The following ABCC9 variants were observed in gnomAD, a reference collection of about 807,000 sequenced individuals.
The protein encoded by ABCC9 is ATP-binding cassette sub-family C member 9.
In ABCC9, 95 loss-of-function variants were observed where a neutral mutation model predicts 188.3. That is an observed-to-expected ratio of 0.50 (90% CI 0.43 to 0.60). The LOEUF is 0.60. ABCC9 is among the 20% of genes least tolerant of loss of function. The pLI is 0.00. For synonymous variants in ABCC9, 659 were observed against 652.7 expected (o/e 1.01, Z -0.15); for missense variants, 1,102 against 1,876.3 (o/e 0.59, Z 7.62).
At chr12:21,829,861 C>A (rs992321680) in intron 30 of ABCC9, among the ~76,000 whole-genome samples, 1 of 152,068 alleles carries the variant, frequency 6.6e-6, no homozygotes, top group African/African-American at 2.4e-5. Context: ...TATGCATTTG[C>A]AATTGGCAAA....
intron 30 of ABCC9, among the ~76,000 whole-genome samples, chr12:21,829,931 G>A (rs935701995): frequency 6.6e-6 from 1 of 152,116 alleles, no homozygotes; most frequent in African/African-American, 2.4e-5. Flanking sequence ...GAAAAAAACT[G>A]GGGTGGCAAC....
chr12:21,824,997 A>AT (rs564617753), intron 31 of ABCC9, among the ~76,000 whole-genome samples: 21 of 151,894 alleles, frequency 1.4e-4, no homozygotes, highest in Non-Finnish European at 2.4e-4. Flanking sequence ...GGATTCACTG[A>AT]TTTTTTGAAG....
At chr12:21,828,413 C>G (rs1170018731) in intron 31 of ABCC9, 1 of 186,896 alleles carries the variant, frequency 5.4e-6, no homozygotes, top group Non-Finnish European at 1.1e-5. Context: ...GGTACACATT[C>G]TTATTTTACA....
intron 7 of ABCC9, among the ~76,000 whole-genome samples, chr12:21,915,050 G>A (rs1235536394): frequency 6.6e-6 from 1 of 151,502 alleles, no homozygotes; most frequent in Non-Finnish European, 1.5e-5. Context: ...ACAGGCATGC[G>A]TCACCATGCC....
intron 14 of ABCC9, 35 bp from the exon 15 acceptor site, chr12:21,887,969 C>T (rs1946962187): frequency 2.0e-6 from 3 of 1,484,238 alleles, no homozygotes; most frequent in South Asian, 2.3e-5. Context: ...TAAGAGTTAA[C>T]AATAAAACCA....
intron 4 of ABCC9, among the ~76,000 whole-genome samples, chr12:21,928,339 G>GGAAGGAA (rs1259935175): frequency 7.6e-6 from 1 of 132,286 alleles, no homozygotes; most frequent in African/African-American, 2.9e-5. Flanking sequence ...AAGGAAGGAA[G>GGAAGGAA]GGAAGAAAAA....
chr12:21,798,670 A>G lies in ABCC9; in HGVS notation c.*2374T>C, dbSNP rs940069005. ...TGTGCAGAAGCTCTTTAGTTTAACC[A>G]TTGTGGAAGTCAGTGTGGCGATTCC... On this transcript the variant is annotated 3_prime_UTR_variant, in exon 40 of 40. Transcript: ENST00000261200. 3 of 152,088 alleles carry G rather than the reference A, an allele frequency of 2.0e-5. No homozygotes were observed. Among genetic ancestry groups the G allele is most frequent in the African/African-American group, 7.2e-5 (3 of 41,390 alleles). The allele number at this position is 152,088 out of a possible 1,614,324, so 9.4% of individuals were successfully genotyped here. A position where few individuals can be genotyped will look rare whatever the true frequency, so the allele number is the denominator to read the frequency against.
intron 29 of ABCC9, among the ~76,000 whole-genome samples, chr12:21,839,855 C>T (rs1340034951): frequency 6.6e-6 from 1 of 152,144 alleles, no homozygotes; most frequent in African/African-American, 2.4e-5. Context: ...TGGATTCCCT[C>T]ATTCAGAATT....
chr12:21,835,202 T>A (rs1378759964), intron 30 of ABCC9, among the ~76,000 whole-genome samples: 1 of 152,208 alleles, frequency 6.6e-6, no homozygotes, highest in East Asian at 1.9e-4. Context: ...GCCATGGAGA[T>A]ATTAACAGAA....
chr12:21,840,125 C>CTTGTATTCTTGCAAGA (rs1223518229), intron 29 of ABCC9, among the ~76,000 whole-genome samples: 1 of 152,144 alleles, frequency 6.6e-6, no homozygotes, highest in East Asian at 1.9e-4. Flanking sequence ...AAGAAGGAAA[C>CTTGTATTCTTGCAAGA]AGTTACTTAC....
Position 21,822,315 on chromosome 12 carries a change from GTT to G in ABCC9, c.3670-4066_3670-4065del, listed in dbSNP as rs558814236. Among the ~76,000 whole-genome samples, 606 of 141,550 alleles carry G rather than the reference GTT, an allele frequency of 4.3e-3. 4 individuals carry two copies. Among genetic ancestry groups the G allele is most frequent in the African/African-American group, 0.015 (574 of 38,760 alleles). 92.9% of individuals were successfully genotyped at this position (141,550 alleles called of 152,430 possible). A position where few individuals can be genotyped will look rare whatever the true frequency, so the allele number is the denominator to read the frequency against. On this transcript the variant is annotated intron_variant, in intron 31 of 39. Transcript: ENST00000261200. Reference sequence around the variant, plus strand: ...TGGATTACTACCACTGCTAAAAACTGTTTTTTTTTTTTCTAAAGTACTGGAAA... The same window carrying G: ...TGGATTACTACCACTGCTAAAAACTGTTTTTTTTTTCTAAAGTACTGGAAA...
chr12:21,883,164 G>A (rs1396125900), intron 15 of ABCC9, among the ~76,000 whole-genome samples: 1 of 152,210 alleles, frequency 6.6e-6, no homozygotes, highest in African/African-American at 2.4e-5. Flanking sequence ...TTTCTCTGAT[G>A]ATATGGATGG....
chr12:21,849,975 C>A (rs2074469549), intron 24 of ABCC9, among the ~76,000 whole-genome samples: 1 of 151,848 alleles, frequency 6.6e-6, no homozygotes, highest in Non-Finnish European at 1.5e-5. Flanking sequence ...ACTGACAGCT[C>A]TTTTTCAAGC....
Position 21,926,510 on chromosome 12 carries a change from G to A in ABCC9, c.285-447C>T, listed in dbSNP as rs374767452. Among the ~76,000 whole-genome samples, 8 of 152,246 alleles carry A rather than the reference G, an allele frequency of 5.3e-5. 1 individual carries two copies. The East Asian group carries it at 9.6e-4, about 18-fold the overall frequency. On this transcript the variant is annotated intron_variant, in intron 4 of 39. Coordinates refer to ENST00000261200, the MANE Select transcript of ABCC9 (RefSeq NM_020297.4). ...TCATTCAATGCATCTGTGATTGCTG[G>A]TCCAGCTACTTGGATGCAACCATGA...
chr12:21,835,068 A>G (rs1944000642), intron 30 of ABCC9, among the ~76,000 whole-genome samples: 1 of 152,108 alleles, frequency 6.6e-6, no homozygotes, highest in Non-Finnish European at 1.5e-5. Flanking sequence ...TAGTTGAAAG[A>G]CTGAGACCAT....
rs1354808111 is a variant in ABCC9, at chr12:21,799,551, G to T, written c.*1493C>A. 3 of 152,098 alleles carry T rather than the reference G, an allele frequency of 2.0e-5. No homozygotes were observed. The East Asian group carries it at 5.8e-4, about 29-fold the overall frequency. 9.4% of individuals were successfully genotyped at this position (152,098 alleles called of 1,614,324 possible). ...AAGCTAAATATCATGGACCATTTTT[G>T]TCCATCTTGTGGAACTTATTTTTTT... On this transcript the variant is annotated 3_prime_UTR_variant, in exon 40 of 40. Transcript: ENST00000261200.
intron 5 of ABCC9, among the ~76,000 whole-genome samples, chr12:21,918,042 CA>C (rs1948670749): frequency 7.2e-6 from 1 of 138,998 alleles, no homozygotes; most frequent in African/African-American, 2.7e-5. Flanking sequence ...AAAAAAAAAA[CA>C]GACCAAATTA....
intron 18 of ABCC9, among the ~76,000 whole-genome samples, 163 bp downstream of exon 18, chr12:21,872,462 A>G (rs956865962): frequency 3.3e-5 from 5 of 152,028 alleles, no homozygotes; most frequent in Non-Finnish European, 7.4e-5. Flanking sequence ...GTAACTTTTT[A>G]TTTATGACTT....
At chr12:21,816,104 C>T (rs1430138773) in intron 33 of ABCC9, among the ~76,000 whole-genome samples, 1 of 85,736 alleles carries the variant, frequency 1.2e-5, no homozygotes, top group African/African-American at 4.3e-5. Flanking sequence ...TTCAAATAAA[C>T]ACCTTTTGAT....
Sources: allele counts gnomAD v4.1 joint callset (sites outside exome capture counted in the v4.1 genomes callset), GRCh38; gene constraint gnomAD v4.1.1; transcripts MANE v1.5; gene names NCBI Gene and HGNC (gene_info 2026-07-23, HGNC 2026-07-21).